LRP1B: variants seen among roughly 807,000 people sequenced by gnomAD.
The protein encoded by LRP1B is LDL receptor related protein 1B.
Under a neutral mutation model 556.6 loss-of-function variants are expected in LRP1B, and 217 were observed. The ratio of observed to expected loss-of-function variants is 0.39; its 90% CI spans 0.35 to 0.44. The LOEUF is 0.44. Ranked by LOEUF, LRP1B falls within the 20% of genes least tolerant of loss-of-function variation. The probability of loss-of-function intolerance (pLI) is 1.00; values close to 1 mark genes in which losing one functional copy is unlikely to be tolerated. For missense variants in LRP1B, 5,053 were observed against 5,620.8 expected (o/e 0.90, Z 3.23); for synonymous variants, 2,047 against 1,865.8 (o/e 1.10, Z -2.50).
chr2:140,986,502 C>T (rs539348834), intron 17 of LRP1B, among the ~76,000 whole-genome samples: 3 of 152,214 alleles, frequency 2.0e-5, no homozygotes, highest in Admixed American at 6.6e-5. Flanking sequence ...CACAGTATTG[C>T]CAATGCTGAG....
rs561279965 is a variant in LRP1B, at chr2:140,314,823, G to A, written c.12805+112C>T. The A allele has an allele frequency of 2.1e-5, 15 of 705,206 alleles. No individual in the cohort carries two copies. The East Asian group carries it at 3.7e-4, about 17-fold the overall frequency. 43.7% of individuals were successfully genotyped at this position (705,206 alleles called of 1,614,324 possible). A position where few individuals can be genotyped will look rare whatever the true frequency, so the allele number is the denominator to read the frequency against. On this transcript the variant is annotated intron_variant, in intron 83 of 90. Transcript: ENST00000389484. ...AATTTTGTGTTATTATATTGTGTTA[G>A]TCTATTGTTCATTAAGATATTAGGA...
intron 3 of LRP1B, among the ~76,000 whole-genome samples, chr2:141,268,493 T>A (rs1315421565): frequency 6.6e-6 from 1 of 152,122 alleles, no homozygotes; most frequent in Non-Finnish European, 1.5e-5. Context: ...GGGGACAGTA[T>A]TAAAATAAAT....
intron 1 of LRP1B, among the ~76,000 whole-genome samples, chr2:142,017,955 CT>C (rs11431816): frequency 1.1e-3 from 163 of 147,224 alleles, no homozygotes; most frequent in African/African-American, 3.1e-3. Context: ...CTGACACGCT[CT>C]TTTTTTTTTT....
At chr2:141,833,227 G>A (rs571388064) in intron 1 of LRP1B, among the ~76,000 whole-genome samples, 19 of 151,738 alleles carry the variant, frequency 1.3e-4, no homozygotes, top group African/African-American at 3.6e-4. Context: ...ACAACATAAA[G>A]TATATAATTT....
At chr2:141,255,969 C>T (rs1254805489) in intron 3 of LRP1B, among the ~76,000 whole-genome samples, 2 of 151,812 alleles carry the variant, frequency 1.3e-5, no homozygotes, top group African/African-American at 4.8e-5. Context: ...ATAGTCAATG[C>T]TAATCACGCT....
intron 7 of LRP1B, among the ~76,000 whole-genome samples, chr2:141,111,724 C>G (rs978311849): frequency 1.3e-5 from 2 of 152,156 alleles, no homozygotes; most frequent in Non-Finnish European, 2.9e-5. Flanking sequence ...CAAGACCCCT[C>G]TCTTTGCTGA....
At chr2:140,648,290 G>A (rs909428039) in intron 41 of LRP1B, among the ~76,000 whole-genome samples, 1 of 152,044 alleles carries the variant, frequency 6.6e-6, no homozygotes, top group Non-Finnish European at 1.5e-5. Flanking sequence ...GGCATGTGGT[G>A]GGGTGGGGGA....
At chr2:141,843,618 T>C (rs1697548532) in intron 1 of LRP1B, among the ~76,000 whole-genome samples, 1 of 152,142 alleles carries the variant, frequency 6.6e-6, no homozygotes, top group African/African-American at 2.4e-5. Context: ...TTAGAAAATA[T>C]TTCCTCTATG....
intron 3 of LRP1B, among the ~76,000 whole-genome samples, chr2:141,359,396 T>G (rs1265877227): frequency 6.6e-6 from 1 of 151,916 alleles, no homozygotes. Flanking sequence ...AGAGAAAATA[T>G]TACATTATAA....
intron 2 of LRP1B, 120 bp downstream of exon 2, chr2:141,810,159 A>T: frequency 6.8e-6 from 3 of 441,190 alleles, no homozygotes; most frequent in Non-Finnish European, 9.2e-6. Context: ...GAAAGAAAGA[A>T]AGAAAGAAGG....
intron 57 of LRP1B, among the ~76,000 whole-genome samples, chr2:140,491,171 A>T (rs186407298): frequency 4.7e-4 from 71 of 152,278 alleles, no homozygotes; most frequent in African/African-American, 1.7e-3. Flanking sequence ...GCTACAAGGT[A>T]GGAAAATGAA....
chr2:142,091,036 G>A (rs1488722610), intron 1 of LRP1B, among the ~76,000 whole-genome samples: 1 of 152,014 alleles, frequency 6.6e-6, no homozygotes, highest in African/African-American at 2.4e-5. Flanking sequence ...TCTCTCATTG[G>A]TTATGAGAGA....
intron 3 of LRP1B, among the ~76,000 whole-genome samples, chr2:141,312,005 TG>T (rs771002871): frequency 2.6e-4 from 40 of 152,174 alleles, no homozygotes; most frequent in Non-Finnish European, 5.1e-4. Context: ...TGGAGCATTA[TG>T]GGAGATTTTG....
chr2:141,044,678 A>G (rs1698814079), intron 11 of LRP1B, among the ~76,000 whole-genome samples: 2 of 151,932 alleles, frequency 1.3e-5, no homozygotes, highest in South Asian at 4.1e-4. Flanking sequence ...AATGCTCATC[A>G]TCACTGGCCA....
intron 2 of LRP1B, among the ~76,000 whole-genome samples, chr2:141,772,323 T>C (rs1453852699): frequency 6.6e-6 from 1 of 152,190 alleles, no homozygotes; most frequent in Admixed American, 6.5e-5. Flanking sequence ...AATCTTAATT[T>C]GTTCCTATTT....
rs555105116 is a variant in LRP1B at position 140,917,643 on chromosome 2, C to G, written c.3319+5322G>C. On this transcript the variant is annotated intron_variant, in intron 21 of 90. Transcript: ENST00000389484. Reference sequence around the variant, plus strand: ...ACATGACACTCTGGAAAAGGCAAAACCATAGAGACAGTAAAAAGATCAGTA... The same window carrying G: ...ACATGACACTCTGGAAAAGGCAAAAGCATAGAGACAGTAAAAAGATCAGTA... 3.3e-5 allele frequency among the ~76,000 whole-genome samples: 5 copies of G among 152,100 alleles called. No individual in the cohort carries two copies. The South Asian group carries it at 1.0e-3, about 32-fold the overall frequency.
chr2:140,670,108 G>A (rs912385865), intron 41 of LRP1B, among the ~76,000 whole-genome samples: 4 of 152,058 alleles, frequency 2.6e-5, no homozygotes, highest in Non-Finnish European at 4.4e-5. Flanking sequence ...ACAATACCAC[G>A]TGACACTGGT....
chr2:140,720,395 T>C (rs939828519), intron 35 of LRP1B, among the ~76,000 whole-genome samples: 2 of 151,854 alleles, frequency 1.3e-5, no homozygotes, highest in African/African-American at 4.8e-5. Context: ...ATAAGACAAA[T>C]ATGAGTCTTT....
At chr2:140,582,204 T>C (rs1301941008) in intron 43 of LRP1B, among the ~76,000 whole-genome samples, 1 of 152,206 alleles carries the variant, frequency 6.6e-6, no homozygotes, top group Non-Finnish European at 1.5e-5. Context: ...ACTACAATAA[T>C]TATTCTCAAT....
Sources: allele counts gnomAD v4.1 joint callset (sites outside exome capture counted in the v4.1 genomes callset), GRCh38; gene constraint gnomAD v4.1.1; transcripts MANE v1.5; gene names NCBI Gene and HGNC (gene_info 2026-07-23, HGNC 2026-07-21).